Variants in SEMA3A observed in about 807,000 individuals in gnomAD.
SEMA3A encodes semaphorin-3A.
In SEMA3A, 29 loss-of-function variants were observed where a neutral mutation model predicts 97.9. The ratio of observed to expected loss-of-function variants is 0.30; its 90% CI spans 0.22 to 0.40. The LOEUF (loss-of-function observed/expected upper bound fraction) is 0.40. Among genes scored for constraint, SEMA3A ranks in the 10% least tolerant of loss-of-function variants. SEMA3A has a pLI of 1.00. For synonymous variants in SEMA3A, 321 were observed against 323.7 expected (o/e 0.99, Z 0.09); for missense variants, 763 against 951.3 (o/e 0.80, Z 2.60).
At chr7:84,444,001 C>T (rs1314076873) in intron 1 of SEMA3A, among the ~76,000 whole-genome samples, 1 of 150,834 alleles carries the variant, frequency 6.6e-6, no homozygotes, top group Non-Finnish European at 1.5e-5. Flanking sequence ...ATTCTCCTGC[C>T]TCAGACTCCT....
chr7:84,002,061 G>C lies in SEMA3A; in HGVS notation c.1361-15C>G. ...GGTCCCAACATCTTTGAAAGAAAGT[G>C]GGGAGAAGACCACAAGTTAAGTAGA... On this transcript the variant is annotated splice_polypyrimidine_tract_variant and intron_variant, in intron 11 of 16. Transcript: ENST00000265362. 1 of 1,482,884 alleles carries C rather than the reference G, an allele frequency of 6.7e-7. No homozygotes were observed. Among genetic ancestry groups the C allele is most frequent in the Non-Finnish European group, 9.4e-7 (1 of 1,064,380 alleles). 91.9% of individuals were successfully genotyped at this position (1,482,884 alleles called of 1,614,324 possible). A position where few individuals can be genotyped will look rare whatever the true frequency, so the allele number is the denominator to read the frequency against.
At chr7:84,300,205 A>T (rs1800975798) in intron 3 of SEMA3A, among the ~76,000 whole-genome samples, 1 of 151,866 alleles carries the variant, frequency 6.6e-6, no homozygotes, top group Admixed American at 6.6e-5. Context: ...GAAGTCAAAT[A>T]TCATATTTTT....
chr7:84,343,398 C>T (rs892675233), intron 2 of SEMA3A, among the ~76,000 whole-genome samples: 2 of 152,064 alleles, frequency 1.3e-5, no homozygotes, highest in African/African-American at 4.8e-5. Context: ...GTAGGGTGGA[C>T]CATATGGAAA....
intron 3 of SEMA3A, among the ~76,000 whole-genome samples, chr7:84,278,893 C>G (rs1471379955): frequency 6.6e-6 from 1 of 152,012 alleles, no homozygotes; most frequent in Non-Finnish European, 1.5e-5. Context: ...ATATCCAAAC[C>G]ATATCACATG....
intron 4 of SEMA3A, among the ~76,000 whole-genome samples, chr7:84,062,839 G>T (rs546784994): frequency 2.9e-5 from 4 of 138,338 alleles, no homozygotes; most frequent in Admixed American, 7.2e-5. Flanking sequence ...AGCGAGGCGG[G>T]GGGAGGGGCG....
intron 3 of SEMA3A, among the ~76,000 whole-genome samples, chr7:84,254,980 T>C (rs1317293670): frequency 1.3e-5 from 2 of 152,126 alleles, no homozygotes; most frequent in African/African-American, 2.4e-5. Flanking sequence ...ATGTGAGTCT[T>C]TTCAAGTTCT....
chr7:84,374,372 A>G (rs1184865201), intron 1 of SEMA3A, among the ~76,000 whole-genome samples: 2 of 152,228 alleles, frequency 1.3e-5, no homozygotes, highest in African/African-American at 4.8e-5. Flanking sequence ...CGAAAAATAT[A>G]TTTAAGTCAA....
intron 3 of SEMA3A, among the ~76,000 whole-genome samples, chr7:84,211,542 A>C (rs900123433): frequency 3.3e-5 from 5 of 152,084 alleles, no homozygotes; most frequent in Admixed American, 3.3e-4. Context: ...AACTGCTTGG[A>C]ACCCATAAGG....
chr7:84,148,274 A>T (rs535557033), intron 1 of SEMA3A, among the ~76,000 whole-genome samples: 1 of 151,558 alleles, frequency 6.6e-6, no homozygotes, highest in African/African-American at 2.4e-5. Context: ...GAGAACATTG[A>T]TATGGCATTC....
At position 84,476,226 on chromosome 7, in the gene SEMA3A, C is replaced by T. The variant is rs144741539; in HGVS notation, c.-246+16234G>A. 6.3e-3 allele frequency among the ~76,000 whole-genome samples: 960 copies of T among 151,740 alleles called. 14 individuals carry two copies. The highest frequency in any genetic ancestry group is 0.057 in the East Asian group (292 of 5,112). ...AAACAAAATTAGTCAGGCGTGGTGG[C>T]GTGCACCTGTAATCCCAGCTACTCA... On this transcript the variant is annotated intron_variant, in intron 1 of 3. Transcript: ENST00000424555.
At chr7:84,250,022 T>C (rs1408838686) in intron 3 of SEMA3A, among the ~76,000 whole-genome samples, 1 of 151,878 alleles carries the variant, frequency 6.6e-6, no homozygotes. Flanking sequence ...ACAAGCCTGA[T>C]TTCTTTCCTC....
intron 3 of SEMA3A, among the ~76,000 whole-genome samples, chr7:84,300,022 G>C (rs1800968539): frequency 1.8e-5 from 2 of 111,682 alleles, no homozygotes; most frequent in Non-Finnish European, 3.4e-5. Flanking sequence ...ACAAGAGTGA[G>C]ACTCAGTCAC....
At chr7:84,362,220 A>T (rs1003276323) in intron 2 of SEMA3A, among the ~76,000 whole-genome samples, 1 of 151,974 alleles carries the variant, frequency 6.6e-6, no homozygotes, top group African/African-American at 2.4e-5. Flanking sequence ...ATGCTAAATA[A>T]ATAAATAAAT....
At chr7:83,985,048 A>T (rs1789570468) in intron 13 of SEMA3A, among the ~76,000 whole-genome samples, 1 of 152,242 alleles carries the variant, frequency 6.6e-6, no homozygotes, top group Admixed American at 6.5e-5. Flanking sequence ...AGAATAAATT[A>T]TAAATTTTTT....
chr7:83,969,895 G>A (rs1788850666), intron 15 of SEMA3A, among the ~76,000 whole-genome samples: 1 of 152,154 alleles, frequency 6.6e-6, no homozygotes, highest in Non-Finnish European at 1.5e-5. Context: ...ACTAAAGGAT[G>A]TCATGTAATA....
intron 3 of SEMA3A, among the ~76,000 whole-genome samples, chr7:84,245,418 G>C (rs762841110): frequency 6.6e-6 from 1 of 151,712 alleles, no homozygotes; most frequent in Admixed American, 6.6e-5. Flanking sequence ...TGAAGTTATC[G>C]TGCTGTGTTT....
At chr7:84,226,582 A>AT (rs1440318494) in intron 3 of SEMA3A, among the ~76,000 whole-genome samples, 2 of 152,124 alleles carry the variant, frequency 1.3e-5, no homozygotes, top group African/African-American at 2.4e-5. Context: ...AATAAGTGTG[A>AT]TTTTTAAAGT....
chr7:84,168,798 GT>G (rs1350168959), intron 1 of SEMA3A, among the ~76,000 whole-genome samples: 11 of 151,616 alleles, frequency 7.3e-5, no homozygotes, highest in South Asian at 4.2e-4. Flanking sequence ...AACATATGAG[GT>G]TTTTTTATTT....
chr7:84,083,209 CAT>C (rs894027307), intron 4 of SEMA3A, among the ~76,000 whole-genome samples: 34 of 151,716 alleles, frequency 2.2e-4, no homozygotes, highest in Admixed American at 1.2e-3. Context: ...TTTATTTGTA[CAT>C]ATATATATAC....
Sources: gnomAD v4.1 joint callset for allele counts (sites outside exome capture counted in the v4.1 genomes callset) on GRCh38, gnomAD v4.1.1 for gene constraint, MANE v1.5 for transcripts, NCBI Gene and HGNC (gene_info 2026-07-23, HGNC 2026-07-21) for gene names.